PRTG: variants seen among roughly 807,000 people sequenced by gnomAD.
The protein encoded by PRTG is protogenin.
Under a neutral mutation model 122.5 loss-of-function variants are expected in PRTG, and 67 were observed. The ratio of observed to expected loss-of-function variants is 0.55; its 90% CI spans 0.45 to 0.67. The LOEUF is 0.67. PRTG is among the 30% of genes least tolerant of loss of function. PRTG has a pLI of 0.00. For synonymous variants in PRTG, 554 were observed against 501.1 expected, an observed-to-expected ratio of 1.11 and a Z score of -1.41; for missense variants, 1,435 against 1,415.4, an observed-to-expected ratio of 1.01 and a Z score of -0.22.
chr15:55,698,658 T>C (rs547805215), intron 2 of PRTG, among the ~76,000 whole-genome samples: 1 of 152,262 alleles, frequency 6.6e-6, no homozygotes, highest in East Asian at 1.9e-4. Context: ...GGTGTATTTA[T>C]ATGCAGGATT....
At chr15:55,727,231 T>G (rs1414912991) in intron 2 of PRTG, among the ~76,000 whole-genome samples, 1 of 151,888 alleles carries the variant, frequency 6.6e-6, no homozygotes, top group Admixed American at 6.6e-5. Flanking sequence ...TTGTTCATTT[T>G]TGAATAGATG....
chr15:55,646,417 G>A (rs917654722), intron 11 of PRTG, among the ~76,000 whole-genome samples: 8 of 151,718 alleles, frequency 5.3e-5, no homozygotes, highest in African/African-American at 1.7e-4. Context: ...CCGCCTACAG[G>A]GTTCACGCCA....
At position 55,672,605 on chromosome 15, in the gene PRTG, C is replaced by T; in HGVS notation, c.1881G>A (p.Glu627=). 1 of 1,613,642 alleles carries T rather than the reference C, an allele frequency of 6.2e-7. No homozygotes were observed. Among genetic ancestry groups the T allele is most frequent in the Non-Finnish European group, 8.5e-7 (1 of 1,179,890 alleles). Reference sequence around the variant, plus strand: ...CAGAAATGGTGGTACAGTTCAGAGGCTCCAAATGCAACTCTGGAGACTTAG... The same window carrying T: ...CAGAAATGGTGGTACAGTTCAGAGGTTCCAAATGCAACTCTGGAGACTTAG... ...KAPKSPELHL[E]PLNCTTISVR... Residue 627 remains glutamate (E), a synonymous_variant, in exon 11 of 20, where the codon GAG becomes GAA. Transcript: ENST00000389286.
At chr15:55,686,090 C>T (rs2059568759) in intron 2 of PRTG, among the ~76,000 whole-genome samples, 1 of 152,168 alleles carries the variant, frequency 6.6e-6, no homozygotes, top group Non-Finnish European at 1.5e-5. Context: ...ATATCAGCTT[C>T]ACATTCAGGC....
Position 55,615,673 on chromosome 15 carries a change from G to C in PRTG, c.*4339C>G, listed in dbSNP as rs1252301152. On this transcript the variant is annotated 3_prime_UTR_variant, in exon 20 of 20. Transcript: ENST00000389286. ...CATGTGGCAAATGGTCAGGAAGAAA[G>C]TCTGCAAAACACATGTGCAGTCTTA... 1 of 152,004 alleles carries C rather than the reference G, an allele frequency of 6.6e-6. No individual in the cohort carries two copies. Among genetic ancestry groups the C allele is most frequent in the Non-Finnish European group, 1.5e-5 (1 of 67,966 alleles). 9.4% of individuals were successfully genotyped at this position (152,004 alleles called of 1,614,324 possible).
At chr15:55,646,409 G>A (rs939732026) in intron 11 of PRTG, among the ~76,000 whole-genome samples, 5 of 151,356 alleles carry the variant, frequency 3.3e-5, no homozygotes, top group Middle Eastern at 3.4e-3. Flanking sequence ...TGCAAGCTCC[G>A]CCTACAGGGT....
At chr15:55,687,258 A>T (rs998082457) in intron 2 of PRTG, among the ~76,000 whole-genome samples, 1 of 152,206 alleles carries the variant, frequency 6.6e-6, no homozygotes, top group African/African-American at 2.4e-5. Flanking sequence ...TGTTTGCTAC[A>T]ATTCCAAACA....
chr15:55,708,148 T>TAAAAAAAAAAAAAAAAAAAA (rs35216342), intron 2 of PRTG, among the ~76,000 whole-genome samples: 1 of 70,040 alleles, frequency 1.4e-5, no homozygotes, highest in Non-Finnish European at 2.9e-5. Context: ...AGTAAGCTGG[T>TAAAAAAAAAAAAAAAAAAAA]AAAAAAAAAA....
At chr15:55,732,095 A>C (rs1160637161) in intron 2 of PRTG, among the ~76,000 whole-genome samples, 1 of 152,248 alleles carries the variant, frequency 6.6e-6, no homozygotes, top group Admixed American at 6.5e-5. Context: ...GCACTGTAAA[A>C]ATATGGTATT....
At chr15:55,707,754 T>C (rs1019407104) in intron 2 of PRTG, among the ~76,000 whole-genome samples, 7 of 152,204 alleles carry the variant, frequency 4.6e-5, no homozygotes, top group Non-Finnish European at 8.8e-5. Context: ...TTAATGCCTG[T>C]TTTTGGTAGT....
chr15:55,624,629 AT>A, intron 17 of PRTG, 122 bp from the exon 18 acceptor site: 3 of 660,916 alleles, frequency 4.5e-6, no homozygotes, highest in Non-Finnish European at 7.1e-6. Flanking sequence ...TTTCTCAAAT[AT>A]TTTTAGAATC....
chr15:55,738,632 T>C (rs1463475880), intron 2 of PRTG: 3 of 628,666 alleles, frequency 4.8e-6, no homozygotes, highest in African/African-American at 3.7e-5. Flanking sequence ...AATATAAGCA[T>C]AAAAAGCACA....
At chr15:55,632,485 T>A (rs541802145) in intron 15 of PRTG, among the ~76,000 whole-genome samples, 2 of 152,208 alleles carry the variant, frequency 1.3e-5, no homozygotes, top group South Asian at 4.1e-4. Flanking sequence ...TCCAATACCT[T>A]CCTCTCTCTT....
In PRTG at chr15:55,682,462, T is replaced by C. The variant is rs2059544724; in HGVS notation, c.578A>G (p.Tyr193Cys). The C allele has an allele frequency of 1.3e-6, 2 of 1,596,788 alleles. No individual in the cohort carries two copies. Among genetic ancestry groups the C allele is most frequent in the African/African-American group, 1.3e-5 (1 of 74,392 alleles). Residue 193 changes from tyrosine to cysteine, a missense_variant, in exon 4 of 20, where the codon TAT becomes TGT. Tyr to Cys is a radical substitution (Grantham distance 194, BLOSUM62 -2). Transcript: ENST00000389286. ...TALPTGVLQI[Y>C]DVSQRDSGNY... is the part of the protein sequence containing the mutation. ...TCCAGAATCCCTTTGGCTGACATCA[T>C]AGATCTGCAATACTCCTGTTGGTAG... is the stretch of plus-strand genomic sequence containing the variant.
intron 1 of PRTG, among the ~76,000 whole-genome samples, chr15:55,740,971 T>A (rs1186726216): frequency 1.3e-5 from 2 of 152,202 alleles, no homozygotes; most frequent in Non-Finnish European, 2.9e-5. Flanking sequence ...AGTTTCAAAA[T>A]CATCAGGAAA....
At chr15:55,649,950 T>G (rs1399249217) in intron 11 of PRTG, among the ~76,000 whole-genome samples, 1 of 152,208 alleles carries the variant, frequency 6.6e-6, no homozygotes, top group East Asian at 1.9e-4. Flanking sequence ...ACTTGGGTTT[T>G]GGGTTTGAAT....
chr15:55,691,083 T>C (rs552818795), intron 2 of PRTG, among the ~76,000 whole-genome samples: 1 of 151,712 alleles, frequency 6.6e-6, no homozygotes, highest in African/African-American at 2.4e-5. Flanking sequence ...TCACCTGAGG[T>C]CAGGAGTTCG....
At chr15:55,681,624 T>C (rs1454609330) in intron 4 of PRTG, among the ~76,000 whole-genome samples, 1 of 152,184 alleles carries the variant, frequency 6.6e-6, no homozygotes. Flanking sequence ...TTTTTAAAAA[T>C]TGTTTAATAT....
At chr15:55,622,147 C>A (rs2059169483) in intron 18 of PRTG, among the ~76,000 whole-genome samples, 1 of 151,552 alleles carries the variant, frequency 6.6e-6, no homozygotes. Context: ...CACTCTGCTT[C>A]TCTCCTAACC....
Sources: allele counts gnomAD v4.1 joint callset (sites outside exome capture counted in the v4.1 genomes callset), GRCh38; gene constraint gnomAD v4.1.1; transcripts MANE v1.5; gene names NCBI Gene and HGNC (gene_info 2026-07-23, HGNC 2026-07-21).